CEP63: variants seen among roughly 807,000 people sequenced by gnomAD.
CEP63 encodes the protein centrosomal protein of 63 kDa.
Under a neutral mutation model 89.1 loss-of-function variants are expected in CEP63, and 84 were observed. That is an observed-to-expected ratio of 0.94 (90% CI 0.79 to 1.13). CEP63 has a LOEUF of 1.13. Among genes scored for constraint, CEP63 ranks in the 50% most tolerant of loss-of-function variants. The pLI, the probability that CEP63 is intolerant of heterozygous loss-of-function variation, is 0.00. For synonymous variants in CEP63, 267 were observed against 272.5 expected, an observed-to-expected ratio of 0.98 and a Z score of 0.20; for missense variants, 838 against 813.3, an observed-to-expected ratio of 1.03 and a Z score of -0.37.
intron 6 of CEP63, among the ~76,000 whole-genome samples, chr3:134,543,138 C>T (rs1274574610): frequency 6.6e-6 from 1 of 152,044 alleles, no homozygotes; most frequent in African/African-American, 2.4e-5. Context: ...CTACTAGTCA[C>T]ATTAAAAAGT....
intron 14 of CEP63, among the ~76,000 whole-genome samples, chr3:134,560,203 AT>A (rs1169060335): frequency 2.0e-5 from 3 of 152,190 alleles, no homozygotes; most frequent in Non-Finnish European, 4.4e-5. Context: ...GACTTTCTCT[AT>A]TCCACTTAGT....
intron 2 of CEP63, among the ~76,000 whole-genome samples, chr3:134,506,824 A>G (rs990995270): frequency 6.7e-6 from 1 of 149,046 alleles, no homozygotes; most frequent in African/African-American, 2.5e-5. Context: ...AGGCTGAGGC[A>G]GGAGAATTGC....
chr3:134,499,591 C>T (rs1225876413), intron 2 of CEP63, among the ~76,000 whole-genome samples: 5 of 151,798 alleles, frequency 3.3e-5, no homozygotes, highest in East Asian at 1.9e-4. Context: ...CGAAGTGCAT[C>T]GTTAGGTTGT....
chr3:134,526,559 A>G (rs1002797853), intron 3 of CEP63, among the ~76,000 whole-genome samples: 1 of 152,082 alleles, frequency 6.6e-6, no homozygotes, highest in Non-Finnish European at 1.5e-5. Context: ...CCTGTAGCTC[A>G]GTGTTCTTTG....
chr3:134,499,777 G>A (rs1206792093), intron 2 of CEP63, among the ~76,000 whole-genome samples: 1 of 147,716 alleles, frequency 6.8e-6, no homozygotes. Flanking sequence ...CTCTGCCCTT[G>A]CCTTCTTTTG....
intron 14 of CEP63, among the ~76,000 whole-genome samples, chr3:134,560,301 A>T (rs1302849474): frequency 6.6e-6 from 1 of 152,158 alleles, no homozygotes; most frequent in Non-Finnish European, 1.5e-5. Flanking sequence ...AATACAGTTG[A>T]TCCTCATTAT....
the CEP63 span, among the ~76,000 whole-genome samples, chr3:134,669,184 C>T: frequency 4.6e-5 from 7 of 151,784 alleles, no homozygotes; most frequent in African/African-American, 9.7e-5. Flanking sequence ...TGCCCCTACA[C>T]GCGGCTTAAT....
At chr3:134,625,700 G>C in the CEP63 span, among the ~76,000 whole-genome samples, 1 of 152,372 alleles carries the variant, frequency 6.6e-6, no homozygotes, top group South Asian at 2.1e-4. Context: ...ACCCAGACAG[G>C]CTTCCTCCTT....
chr3:134,559,045 G>A (rs1956828925), intron 13 of CEP63, 105 bp from the exon 14 acceptor site: 5 of 1,148,616 alleles, frequency 4.4e-6, no homozygotes, highest in Non-Finnish European at 5.1e-6. Flanking sequence ...TTTGTAAATT[G>A]TAGCCTTATT....
At chr3:134,575,231 CT>C (rs1958177294), downstream of CEP63, among the ~76,000 whole-genome samples, 1 of 19,876 alleles carries the variant, frequency 5.0e-5, no homozygotes, top group African/African-American at 1.3e-4. Context: ...CCCTCCCTCC[CT>C]CCCTTCCTTC....
intron 2 of CEP63, among the ~76,000 whole-genome samples, chr3:134,506,679 G>C (rs1269779389): frequency 6.6e-6 from 1 of 152,122 alleles, no homozygotes; most frequent in Non-Finnish European, 1.5e-5. Context: ...AGCACTTTGG[G>C]AGGCTGAGGC....
chr3:134,743,929 A>G, the CEP63 span, among the ~76,000 whole-genome samples: 1 of 152,096 alleles, frequency 6.6e-6, no homozygotes, highest in Non-Finnish European at 1.5e-5. Flanking sequence ...CTCTCCTCAA[A>G]AGAAAAGTAT....
At chr3:134,497,208 A>G in intron 2 of CEP63, among the ~76,000 whole-genome samples, 1 of 152,154 alleles carries the variant, frequency 6.6e-6, no homozygotes, top group East Asian at 1.9e-4. Flanking sequence ...ATTTTCTCCC[A>G]TTCTACAAGT....
chr3:134,753,487 A>G, the CEP63 span, among the ~76,000 whole-genome samples: 1 of 152,026 alleles, frequency 6.6e-6, no homozygotes, highest in Non-Finnish European at 1.5e-5. Context: ...GTCTCCATAG[A>G]CCTCTGGAGC....
At chr3:134,701,314 G>A in the CEP63 span, among the ~76,000 whole-genome samples, 5 of 44,020 alleles carry the variant, frequency 1.1e-4, 1 homozygote, top group Non-Finnish European at 2.1e-4. Context: ...ACGTATATAT[G>A]TGTATATATA....
In CEP63 at chr3:134,550,103, C is replaced by T. The variant is rs147167835; in HGVS notation, c.1223C>T (p.Ser408Phe). 3 of 1,613,742 alleles carry T rather than the reference C, an allele frequency of 1.9e-6. No homozygotes were observed. The highest frequency in any genetic ancestry group is 1.3e-5 in the African/African-American group (1 of 74,890). The stretch of plus-strand genomic sequence containing the variant: ...TTACAGGGTGAACAAAGTTACAGTT[C>T]TGCACTAGAAGGAATGAAGATGGAA... Reference protein sequence around the residue: ...QILQGEQSYSSALEGMKMEIS... With the variant: ...QILQGEQSYSFALEGMKMEIS... Residue 408 changes from serine to phenylalanine, a missense_variant, in exon 11 of 15, where the codon TCT becomes TTT. Ser to Phe is a radical substitution (Grantham distance 155, BLOSUM62 -2). Coordinates refer to ENST00000675561, the MANE Select transcript of CEP63 (RefSeq NM_001353108.3).
chr3:134,781,503 G>A, the CEP63 span, among the ~76,000 whole-genome samples: 1,959 of 152,354 alleles, frequency 0.013, 17 homozygotes, highest in South Asian at 0.023. Flanking sequence ...GACGGCTTCA[G>A]TGAGGAAGGC....
chr3:134,620,900 G>A, the CEP63 span: 3 of 1,175,854 alleles, frequency 2.6e-6, no homozygotes, highest in Non-Finnish European at 3.8e-6. Context: ...CCTCGAGGAG[G>A]GGCTGTTGGG....
At chr3:134,602,092 G>T in the CEP63 span, among the ~76,000 whole-genome samples, 2 of 152,164 alleles carry the variant, frequency 1.3e-5, no homozygotes, top group African/African-American at 2.4e-5. Context: ...CTGTGGAGGG[G>T]CTGTGGGGAG....
Sources: allele counts gnomAD v4.1 joint callset (sites outside exome capture counted in the v4.1 genomes callset), GRCh38; gene constraint gnomAD v4.1.1; transcripts MANE v1.5; gene names NCBI Gene and HGNC (gene_info 2026-07-23, HGNC 2026-07-21).